The following SYCP2 variants were observed in gnomAD, a reference collection of about 807,000 sequenced individuals.
The protein encoded by SYCP2 is synaptonemal complex lateral element protein.
A neutral mutation model predicts 211.3 loss-of-function variants in SYCP2; 55 were observed. The ratio of observed to expected loss-of-function variants is 0.26; its 90% CI spans 0.21 to 0.33. The LOEUF (loss-of-function observed/expected upper bound fraction) is 0.33. SYCP2 is among the 10% of genes least tolerant of loss of function. SYCP2 has a pLI of 1.00. For missense variants in SYCP2, 1,731 were observed against 1,752.0 expected (o/e 0.99, Z 0.21); for synonymous variants, 570 against 555.2 (o/e 1.03, Z -0.37).
intron 12 of SYCP2, among the ~76,000 whole-genome samples, chr20:59,912,752 G>A (rs1289531854): frequency 2.0e-5 from 3 of 152,162 alleles, no homozygotes; most frequent in African/African-American, 7.2e-5. Context: ...TGTTGTGTGA[G>A]GGACCTGGTA....
intron 2 of SYCP2, among the ~76,000 whole-genome samples, chr20:59,930,385 G>T (rs976318478): frequency 2.0e-5 from 3 of 152,194 alleles, no homozygotes; most frequent in Admixed American, 2.0e-4. Flanking sequence ...TAGCATGTGA[G>T]CAAGTGCTTA....
In SYCP2 at chr20:59,875,273, C is replaced by T. The variant is rs2059533148; in HGVS notation, c.3347G>A (p.Arg1116Lys). ...SGSPSSIEVT[R>K]CIEKITEKDF... ...AGAAAAAACAAAGTTATACTGACAT[C>T]TCGTTACTTCTATAGATGATGGACT... Residue 1116 changes from arginine to lysine, a missense_variant and splice_region_variant, in exon 34 of 45, where the codon AGA becomes AAA. Coordinates refer to ENST00000357552, the MANE Select transcript of SYCP2 (RefSeq NM_014258.4). 6.3e-7 allele frequency: 1 copy of T among 1,586,474 alleles called. No individual in the cohort carries two copies. The highest frequency in any genetic ancestry group is 2.3e-5 in the East Asian group (1 of 44,258).
intron 15 of SYCP2, among the ~76,000 whole-genome samples, chr20:59,906,591 AT>A (rs1395813342): frequency 6.6e-6 from 1 of 152,152 alleles, no homozygotes; most frequent in Non-Finnish European, 1.5e-5. Flanking sequence ...AAACTATAAA[AT>A]TTTTGTGGAA....
intron 32 of SYCP2, 134 bp downstream of exon 32, chr20:59,877,874 T>C (rs2059591361): frequency 4.4e-6 from 3 of 681,018 alleles, no homozygotes. Flanking sequence ...CAGGAGAAAG[T>C]GTGCAAAAGA....
intron 24 of SYCP2, among the ~76,000 whole-genome samples, chr20:59,887,596 G>T (rs6513466): frequency 0.12 from 18,560 of 151,808 alleles, 2,582 homozygotes; most frequent in African/African-American, 0.34. Context: ...ATGGTTGAAC[G>T]AGTTTACAGT....
In SYCP2 at chr20:59,880,454, T is replaced by C. The variant is rs1351252474; in HGVS notation, c.2790A>G (p.Gln930=). The C allele has an allele frequency of 6.4e-7, 1 of 1,573,914 alleles. No homozygotes were observed. Among genetic ancestry groups the C allele is most frequent in the Non-Finnish European group, 8.6e-7 (1 of 1,157,536 alleles). ...CAGTATCACTAAACAGATTTTTCTT[T>C]TGATGATTTGTTATAATCTATAAAA... is the stretch of plus-strand genomic sequence containing the variant. The part of the protein sequence containing the change: ...TKDKKIITNH[Q]KKNLFSDTET... Residue 930 remains glutamine, a synonymous_variant, in exon 31 of 45, where the codon CAA becomes CAG. Transcript: ENST00000357552.
intron 7 of SYCP2, among the ~76,000 whole-genome samples, chr20:59,917,864 G>A (rs1351467274): frequency 6.6e-6 from 1 of 152,180 alleles, no homozygotes; most frequent in Non-Finnish European, 1.5e-5. Context: ...ATCAAAGGTT[G>A]GCAAACTATG....
intron 29 of SYCP2, 99 bp downstream of exon 29, chr20:59,881,338 T>C: frequency 1.5e-6 from 1 of 677,562 alleles, no homozygotes; most frequent in Non-Finnish European, 2.5e-6. Flanking sequence ...CTAGCATTTT[T>C]ATTCACTCTT....
intron 3 of SYCP2, 137 bp downstream of exon 3, chr20:59,922,253 T>C (rs1436717990): frequency 2.8e-6 from 2 of 716,978 alleles, no homozygotes; most frequent in Non-Finnish European, 4.5e-6. Context: ...AAGGACACTT[T>C]ATTTAAACTA....
chr20:59,932,590 C>T (rs1329392315), intron 1 of SYCP2, among the ~76,000 whole-genome samples: 1 of 151,976 alleles, frequency 6.6e-6, no homozygotes, highest in Non-Finnish European at 1.5e-5. Context: ...AGGAGAATCG[C>T]TGGAACCCGG....
intron 18 of SYCP2, among the ~76,000 whole-genome samples, chr20:59,898,970 C>G (rs1426840867): frequency 2.6e-5 from 4 of 152,094 alleles, no homozygotes; most frequent in East Asian, 3.9e-4. Context: ...AGTCTCAGAA[C>G]TGAGCCAAAA....
Position 59,892,663 on chromosome 20 carries a change from A to G in SYCP2, c.1832T>C (p.Ile611Thr). The change falls in exon 23 of 45, where the codon ATA becomes ACA. Residue 611 changes from isoleucine (I) to threonine (T), a missense_variant. By Grantham distance (89) the Ile-to-Thr change is moderately conservative. Around this residue, in one of 3 missense-constraint regions of SYCP2, gnomAD observed 1,387 missense variants for 1,351.3 expected, o/e 1.03. Coordinates refer to ENST00000357552, the MANE Select transcript of SYCP2 (RefSeq NM_014258.4). ...GVLDNICGNK[I>T]HSKWACWTPV... ...TGTCCAACATGCCCATTTGCTGTGT[A>G]TTTTATTTCCACAGATGTTGTCTAA... is the stretch of plus-strand genomic sequence containing the variant. 10 of 1,609,692 alleles carry G rather than the reference A, an allele frequency of 6.2e-6. No homozygotes were observed. The highest frequency in any genetic ancestry group is 8.5e-6 in the Non-Finnish European group (10 of 1,177,792).
At position 59,920,419 on chromosome 20, in the gene SYCP2, A is replaced by G. The variant is rs760330274; in HGVS notation, c.237T>C (p.Asn79=). 4 of 1,610,222 alleles carry G rather than the reference A, an allele frequency of 2.5e-6. No homozygotes were observed. The African/African-American group carries it at 4.0e-5, about 16-fold the overall frequency. ...ILVSVGRCGK[N]ISVLGQAGLL... ...GTCCAGCTTGCCCCAATACACTGAT[A>G]TTTTTGCCACATCTTCCAACAGAAA... Residue 79 remains asparagine (N), a synonymous_variant, in exon 5 of 45, where the codon AAT becomes AAC. Transcript: ENST00000357552.
At chr20:59,878,860 C>G (rs1249523873) in intron 31 of SYCP2, among the ~76,000 whole-genome samples, 1 of 151,868 alleles carries the variant, frequency 6.6e-6, no homozygotes, top group Non-Finnish European at 1.5e-5. Context: ...GTCTCTGAAA[C>G]CTAAGAAATA....
chr20:59,889,870 C>A (rs934470726), intron 24 of SYCP2, among the ~76,000 whole-genome samples: 1 of 151,776 alleles, frequency 6.6e-6, no homozygotes, highest in Non-Finnish European at 1.5e-5. Flanking sequence ...TCATCTAGCA[C>A]CAGTTAGAAT....
rs761393974 is a variant in SYCP2 at position 59,895,459 on chromosome 20, T to C, written c.1643A>G (p.His548Arg). 2.5e-6 allele frequency: 4 copies of C among 1,610,552 alleles called. No individual in the cohort carries two copies. Among genetic ancestry groups the C allele is most frequent in the Non-Finnish European group, 3.4e-6 (4 of 1,178,398 alleles). ...SLKSRSSEGR[H>R]RRDNIDKHIK... ...TACTTTGTCTATATTATCTCTTCTA[T>C]GTCTTCCTTCTGATGATCTAGATTT... is the stretch of plus-strand genomic sequence containing the variant. Residue 548 changes from histidine (H) to arginine (R), a missense_variant, in exon 20 of 45, where the codon CAT becomes CGT. Coordinates refer to ENST00000357552, the MANE Select transcript of SYCP2 (RefSeq NM_014258.4).
rs751029283 is a variant in SYCP2, at chr20:59,920,471, T to C, written c.185A>G (p.Asp62Gly). 7 of 1,602,110 alleles carry C rather than the reference T, an allele frequency of 4.4e-6. No individual in the cohort carries two copies. The Admixed American group carries it at 1.2e-4, about 27-fold the overall frequency. ...CAAAATGGCTGAAACATTGTGGATA[T>C]CCTCTTTATTAAGTTCCTGAAATAA... ...NLICRELNKE[D>G]IHNVSAILVS... is the part of the protein sequence containing the mutation. The change falls in exon 5 of 45, where the codon GAT (aspartate) becomes GGT (glycine). Residue 62 changes from aspartate to glycine, a missense_variant. This residue lies in a region of SYCP2 where 335 missense variants were observed against 378.8 expected (regional missense o/e 0.88). Transcript: ENST00000357552.
intron 1 of SYCP2, among the ~76,000 whole-genome samples, chr20:59,932,526 T>G (rs2060774753): frequency 6.6e-6 from 1 of 151,846 alleles, no homozygotes; most frequent in African/African-American, 2.4e-5. Context: ...AAATACAAAA[T>G]TAGCTGGGCG....
chr20:59,892,140 T>C lies in SYCP2; in HGVS notation c.2214A>G (p.Ile738Met), dbSNP rs1363998470. The change falls in exon 24 of 45, where the codon ATA (isoleucine) becomes ATG (methionine). Residue 738 changes from isoleucine to methionine, a missense_variant. Ile to Met is a conservative substitution (Grantham distance 10). Transcript: ENST00000357552. The part of the protein sequence containing the change: ...LLNKTIEESL[I>M]YRKKYILSKD... ...TTGACAATATGTATTTCTTCCTATA[T>C]ATCAGCGATTCTTCAATTGTCTTAT... is the stretch of plus-strand genomic sequence containing the variant. The C allele has an allele frequency of 1.2e-6, 2 of 1,612,210 alleles. No homozygotes were observed. Among genetic ancestry groups the C allele is most frequent in the East Asian group, 2.2e-5 (1 of 44,774 alleles).
Sources: gnomAD v4.1 joint callset for allele counts (sites outside exome capture counted in the v4.1 genomes callset) on GRCh38, gnomAD v4.1.1 for gene constraint, gnomAD v4.1.1 regional missense constraint, MANE v1.5 for transcripts, NCBI Gene and HGNC (gene_info 2026-07-23, HGNC 2026-07-21) for gene names.